Variants in NIBAN1 observed in about 807,000 individuals in gnomAD.
NIBAN1 encodes the protein protein Niban 1.
Under a neutral mutation model 75.1 loss-of-function variants are expected in NIBAN1, and 81 were observed. The ratio of observed to expected loss-of-function variants is 1.08; its 90% CI spans 0.90 to 1.30. The LOEUF (loss-of-function observed/expected upper bound fraction) is 1.30. Among genes scored for constraint, NIBAN1 ranks in the 50% most tolerant of loss-of-function variants. The probability of loss-of-function intolerance (pLI) is 0.00; values close to 1 mark genes in which losing one functional copy is unlikely to be tolerated. For synonymous variants in NIBAN1, 436 were observed against 424.8 expected, an observed-to-expected ratio of 1.03 and a Z score of -0.32; for missense variants, 1,133 against 1,128.1, an observed-to-expected ratio of 1.00 and a Z score of -0.06.
chr1:184,924,915 T>G (rs756341347), intron 1 of NIBAN1, among the ~76,000 whole-genome samples: 8 of 152,090 alleles, frequency 5.3e-5, no homozygotes, highest in Non-Finnish European at 1.0e-4. Context: ...GGTCTTGTCT[T>G]TTTTTCTTAG....
rs564716933 is a variant in NIBAN1, at chr1:184,898,564, C to T, written c.186+615G>A. 2.5e-3 allele frequency among the ~76,000 whole-genome samples: 373 copies of T among 152,224 alleles called. 1 individual carries two copies. Among genetic ancestry groups the T allele is most frequent in the African/African-American group, 8.4e-3 (348 of 41,530 alleles). On this transcript the variant is annotated intron_variant, in intron 2 of 13. Coordinates refer to ENST00000367511, the MANE Select transcript of NIBAN1 (RefSeq NM_052966.4). ...CCAGGAAGCAGAGGTTGCAGTGAGC[C>T]GCGATTGTATCACTGCACTCCAGCC...
At chr1:184,884,435 C>A (rs1231090633) in intron 5 of NIBAN1, among the ~76,000 whole-genome samples, 198 bp downstream of exon 5, 1 of 152,086 alleles carries the variant, frequency 6.6e-6, no homozygotes, top group Non-Finnish European at 1.5e-5. Flanking sequence ...CCATATTGGT[C>A]AGGCTGGTCT....
intron 6 of NIBAN1, among the ~76,000 whole-genome samples, chr1:184,829,627 A>G (rs1266717211): frequency 1.3e-5 from 2 of 151,744 alleles, no homozygotes; most frequent in Non-Finnish European, 2.9e-5. Flanking sequence ...CACCATGCCC[A>G]GCTAATTTTT....
chr1:184,880,203 C>T (rs1180002648), intron 5 of NIBAN1, among the ~76,000 whole-genome samples: 1 of 152,198 alleles, frequency 6.6e-6, no homozygotes, highest in Non-Finnish European at 1.5e-5. Context: ...CCCCCAAATC[C>T]TTTAGTCTGA....
chr1:184,846,012 G>C (rs1469599931), intron 5 of NIBAN1, among the ~76,000 whole-genome samples: 1 of 85,478 alleles, frequency 1.2e-5, no homozygotes, highest in East Asian at 2.5e-4. Flanking sequence ...ACAGCAGTCT[G>C]AGATCAAACT....
In NIBAN1 at chr1:184,871,834, A is replaced by C. The variant is rs146782257; in HGVS notation, c.601+12799T>G. Among the ~76,000 whole-genome samples the C allele has an allele frequency of 1.9e-3, 289 of 152,340 alleles. 1 individual carries two copies. Among genetic ancestry groups the C allele is most frequent in the African/African-American group, 6.7e-3 (279 of 41,578 alleles). Reference sequence around the variant, plus strand: ...AAAATTGTCTGTCTCAAACCTAGGCATTGAGTGAAAGAGATAAATATTTCT... The same window carrying C: ...AAAATTGTCTGTCTCAAACCTAGGCCTTGAGTGAAAGAGATAAATATTTCT... On this transcript the variant is annotated intron_variant, in intron 5 of 13. Transcript: ENST00000367511.
chr1:184,889,346 G>A (rs1465919467), intron 4 of NIBAN1, among the ~76,000 whole-genome samples: 1 of 152,176 alleles, frequency 6.6e-6, no homozygotes, highest in African/African-American at 2.4e-5. Flanking sequence ...CATTTGGTAA[G>A]TGGCACAGCC....
intron 1 of NIBAN1, among the ~76,000 whole-genome samples, chr1:184,966,726 T>C (rs1048808122): frequency 1.1e-4 from 16 of 152,214 alleles, no homozygotes; most frequent in African/African-American, 3.6e-4. Context: ...GCATTTGTTT[T>C]GTGTGGCTGT....
intron 5 of NIBAN1, chr1:184,867,822 C>G: frequency 1.0e-6 from 1 of 981,056 alleles, no homozygotes; most frequent in Non-Finnish European, 1.2e-6. Context: ...TTGTTTTGCC[C>G]CCAGCATCTA....
intron 1 of NIBAN1, among the ~76,000 whole-genome samples, chr1:184,954,237 A>G (rs916235000): frequency 6.6e-6 from 1 of 152,238 alleles, no homozygotes; most frequent in African/African-American, 2.4e-5. Flanking sequence ...GAATTTGGTT[A>G]TAGGTCTAGA....
chr1:184,967,571 C>G (rs182507744), intron 1 of NIBAN1, among the ~76,000 whole-genome samples: 13 of 152,296 alleles, frequency 8.5e-5, no homozygotes, highest in Admixed American at 3.9e-4. Flanking sequence ...ATTGCACTTT[C>G]TACCTGTGAA....
chr1:184,880,662 A>C (rs1045236653), intron 5 of NIBAN1, among the ~76,000 whole-genome samples: 3 of 152,242 alleles, frequency 2.0e-5, no homozygotes, highest in Admixed American at 2.0e-4. Flanking sequence ...CTGGAAGAAC[A>C]GACTTGCATC....
chr1:184,799,853 C>A (rs1351406830), intron 12 of NIBAN1, among the ~76,000 whole-genome samples: 1 of 91,498 alleles, frequency 1.1e-5, no homozygotes, highest in Non-Finnish European at 2.0e-5. Context: ...TCAAGCCATT[C>A]TCCTGCCTCA....
chr1:184,961,982 C>T (rs1350451449), intron 1 of NIBAN1, among the ~76,000 whole-genome samples: 1 of 152,166 alleles, frequency 6.6e-6, no homozygotes, highest in Non-Finnish European at 1.5e-5. Flanking sequence ...TATCACTGAG[C>T]CACTTAATTA....
At chr1:184,917,636 C>G (rs1341399398) in intron 1 of NIBAN1, among the ~76,000 whole-genome samples, 1 of 152,058 alleles carries the variant, frequency 6.6e-6, no homozygotes, top group Admixed American at 6.5e-5. Context: ...CATTTCTCTT[C>G]TATCCACCTC....
chr1:184,830,382 A>G (rs558985002), intron 6 of NIBAN1, among the ~76,000 whole-genome samples: 1 of 152,264 alleles, frequency 6.6e-6, no homozygotes, highest in South Asian at 2.1e-4. Flanking sequence ...GTTCTCTCAC[A>G]CTTATGAATG....
Position 184,795,132 on chromosome 1 carries a change from C to T in NIBAN1, c.2632G>A (p.Val878Met). ...QSSAAQATAS[V>M]NAEEIKVARI... is the part of the protein sequence containing the mutation. ...GCTACCTTGATCTCCTCTGCATTCA[C>T]ACTGGCCGTGGCCTGGGCCGCGCTG... Residue 878 changes from valine to methionine, a missense_variant, in exon 14 of 14, where the codon GTG becomes ATG. Transcript: ENST00000367511. 1 of 1,614,210 alleles carries T rather than the reference C, an allele frequency of 6.2e-7. No homozygotes were observed. The highest frequency in any genetic ancestry group is 8.5e-7 in the Non-Finnish European group (1 of 1,180,058).
intron 5 of NIBAN1, among the ~76,000 whole-genome samples, chr1:184,841,924 T>C (rs1655297236): frequency 6.6e-6 from 1 of 152,154 alleles, no homozygotes. Context: ...ATGTGAGATA[T>C]GTCTTTCCCC....
intron 1 of NIBAN1, among the ~76,000 whole-genome samples, chr1:184,907,058 A>G (rs1657124404): frequency 6.6e-6 from 1 of 152,260 alleles, no homozygotes; most frequent in African/African-American, 2.4e-5. Flanking sequence ...AATTACTTTT[A>G]GAAAAGCACA....
Sources: gnomAD v4.1 joint callset for allele counts (sites outside exome capture counted in the v4.1 genomes callset) on GRCh38, gnomAD v4.1.1 for gene constraint, MANE v1.5 for transcripts, NCBI Gene and HGNC (gene_info 2026-07-23, HGNC 2026-07-21) for gene names.